MELK: variants seen among roughly 807,000 people sequenced by gnomAD.
MELK encodes the protein pEg3 kinase.
A neutral mutation model predicts 85.0 loss-of-function variants in MELK; 81 were observed. That is an observed-to-expected ratio of 0.95 (90% confidence interval 0.80 to 1.15). The LOEUF (loss-of-function observed/expected upper bound fraction) is 1.15, where lower values mean the gene tolerates loss of function less well. Ranked by LOEUF, MELK falls within the 50% of genes most tolerant of loss-of-function variation. The pLI is 0.00. For missense variants in MELK, 754 were observed against 777.5 expected (o/e 0.97, Z 0.36); for synonymous variants, 252 against 265.0 (o/e 0.95, Z 0.48).
At position 36,665,336 on chromosome 9, in the gene MELK, C is replaced by CT. The variant is rs200881299; in HGVS notation, c.1177-5dup. On this transcript the variant is annotated splice_polypyrimidine_tract_variant and intron_variant, in intron 13 of 17. Coordinates refer to ENST00000298048, the MANE Select transcript of MELK (RefSeq NM_014791.4). The stretch of plus-strand genomic sequence containing the variant: ...TTCTTCAGTGTGCTTTATCTAGTAA[C>CT]TTTTTTTTTCCAGTTTACCAAGTAC... 360 of 1,526,598 alleles carry CT rather than the reference C, an allele frequency of 2.4e-4. No homozygotes were observed. The highest frequency in any genetic ancestry group is 3.9e-4 in the Admixed American group (21 of 53,260). The allele number at this position is 1,526,598 out of a possible 1,614,324, so 94.6% of individuals were successfully genotyped here. A position where few individuals can be genotyped will look rare whatever the true frequency, so the allele number is the denominator to read the frequency against.
At chr9:36,600,141 T>G (rs1824765208) in intron 7 of MELK, among the ~76,000 whole-genome samples, 7 of 151,974 alleles carry the variant, frequency 4.6e-5, no homozygotes, top group Admixed American at 4.6e-4. Flanking sequence ...TCACCCAGGC[T>G]GGAGTGCAGT....
rs1564138919 is a variant in MELK at position 36,596,585 on chromosome 9, TTTTTG to T, written c.406-632_406-628del. On this transcript the variant is annotated intron_variant, in intron 5 of 17. Transcript: ENST00000298048. Reference sequence around the variant, plus strand: ...TTTGTTTTTTTTGTTTTTTTTGTTTTTTTTGTTTTTTTTTTTTTGAGATGGAGTTT... The same window carrying T: ...TTTGTTTTTTTTGTTTTTTTTGTTTTTTTTTTTTTTTTTGAGATGGAGTTT... Among the ~76,000 whole-genome samples, 29 of 107,450 alleles carry T rather than the reference TTTTTG, an allele frequency of 2.7e-4. 3 individuals are homozygous for T. Among genetic ancestry groups the T allele is most frequent in the African/African-American group, 1.7e-3 (29 of 17,422 alleles). The allele number at this position is 107,450 out of a possible 152,430, so 70.5% of individuals were successfully genotyped here.
rs557014543 is a variant in MELK, at chr9:36,653,265, G to A, written c.1053+1388G>A. On this transcript the variant is annotated intron_variant, in intron 12 of 17. Coordinates refer to ENST00000298048, the MANE Select transcript of MELK (RefSeq NM_014791.4). Reference sequence around the variant, plus strand: ...AGGCTCAAGCAATCCTCCTGCCTCAGCCTCCCTAGTAGCTGGGATTACAGG... The same window carrying A: ...AGGCTCAAGCAATCCTCCTGCCTCAACCTCCCTAGTAGCTGGGATTACAGG... 3.3e-5 allele frequency among the ~76,000 whole-genome samples: 5 copies of A among 152,234 alleles called. No homozygotes were observed. In the East Asian group the frequency reaches 9.7e-4, roughly 29 times the overall value.
chr9:36,625,182 C>G (rs998198175), intron 8 of MELK, among the ~76,000 whole-genome samples: 2 of 152,124 alleles, frequency 1.3e-5, no homozygotes, highest in Admixed American at 6.5e-5. Flanking sequence ...AGAGGACACT[C>G]TAGGAGCAGG....
rs370662182 is a variant in MELK at position 36,599,589 on chromosome 9, G to GA, written c.567+106dup. ...CGTTGGGGGTATAATGATGAAGTAAGAAATAATCTTGTTAATCAGAGTTCA... is the reference window on the plus strand; with the variant it reads ...CGTTGGGGGTATAATGATGAAGTAAGAAAATAATCTTGTTAATCAGAGTTCA... On this transcript the variant is annotated intron_variant, in intron 7 of 17. Transcript: ENST00000298048. 1,107 of 693,062 alleles carry GA rather than the reference G, an allele frequency of 1.6e-3. 7 individuals carry two copies. In the African/African-American group the frequency reaches 0.016, roughly 10 times the overall value. The allele number at this position is 693,062 out of a possible 1,614,324, so 42.9% of individuals were successfully genotyped here. A position where few individuals can be genotyped will look rare whatever the true frequency, so the allele number is the denominator to read the frequency against.
chr9:36,590,576 G>T (rs1319975741), intron 4 of MELK, among the ~76,000 whole-genome samples: 1 of 152,168 alleles, frequency 6.6e-6, no homozygotes, highest in East Asian at 1.9e-4. Flanking sequence ...CCCTGATCCA[G>T]TGACAGTTCA....
chr9:36,587,788 T>A (rs1479366802), intron 3 of MELK, among the ~76,000 whole-genome samples: 1 of 151,560 alleles, frequency 6.6e-6, no homozygotes, highest in Non-Finnish European at 1.5e-5. Context: ...TTTTTTTAAT[T>A]TTTTCGATAC....
intron 10 of MELK, among the ~76,000 whole-genome samples, chr9:36,641,290 C>G (rs1397363951): frequency 6.6e-6 from 1 of 152,196 alleles, no homozygotes; most frequent in African/African-American, 2.4e-5. Flanking sequence ...TAGGCGCTTG[C>G]TCTATGTTGC....
At chr9:36,667,797 C>T (rs959946392) in intron 14 of MELK, among the ~76,000 whole-genome samples, 1 of 151,760 alleles carries the variant, frequency 6.6e-6, no homozygotes, top group Non-Finnish European at 1.5e-5. Flanking sequence ...GACAGAGTTT[C>T]ACTCTTGTTG....
intron 2 of MELK, among the ~76,000 whole-genome samples, chr9:36,583,013 G>T (rs1269449045): frequency 1.3e-5 from 2 of 148,388 alleles, no homozygotes; most frequent in Non-Finnish European, 3.0e-5. Context: ...TTGCTCTGTC[G>T]CCCAGGCTGG....
At chr9:36,648,954 G>T (rs980211103) in intron 11 of MELK, among the ~76,000 whole-genome samples, 1 of 151,914 alleles carries the variant, frequency 6.6e-6, no homozygotes, top group Non-Finnish European at 1.5e-5. Flanking sequence ...GAGGAAAGAA[G>T]AAAAAGTAGA....
At chr9:36,643,912 C>T (rs569130554) in intron 11 of MELK, among the ~76,000 whole-genome samples, 52 of 140,062 alleles carry the variant, frequency 3.7e-4, no homozygotes, top group African/African-American at 1.3e-3. Context: ...CCAGCCTGGG[C>T]GACAGAGTGA....
At chr9:36,632,634 T>C (rs1471205359) in intron 9 of MELK, among the ~76,000 whole-genome samples, 1 of 152,230 alleles carries the variant, frequency 6.6e-6, no homozygotes, top group Non-Finnish European at 1.5e-5. Flanking sequence ...TCTTTGTTGA[T>C]TAATTTTTCT....
At chr9:36,595,369 C>T (rs1824098748) in intron 5 of MELK, among the ~76,000 whole-genome samples, 1 of 152,012 alleles carries the variant, frequency 6.6e-6, no homozygotes, top group East Asian at 1.9e-4. Flanking sequence ...ATCTCCTGAC[C>T]TTGTGATCTG....
intron 13 of MELK, among the ~76,000 whole-genome samples, chr9:36,658,501 T>G (rs79768296): frequency 0.019 from 2,913 of 152,294 alleles, 81 homozygotes; most frequent in African/African-American, 0.063. Flanking sequence ...AATTTTATCT[T>G]TATTTATACT....
chr9:36,662,052 G>A (rs1831891014), intron 13 of MELK, among the ~76,000 whole-genome samples: 1 of 150,686 alleles, frequency 6.6e-6, no homozygotes, highest in African/African-American at 2.4e-5. Flanking sequence ...TTTTTATTAT[G>A]GATTTAGTTA....
At chr9:36,636,304 G>A (rs1478139215) in intron 10 of MELK, among the ~76,000 whole-genome samples, 1 of 151,892 alleles carries the variant, frequency 6.6e-6, no homozygotes, top group African/African-American at 2.4e-5. Flanking sequence ...GGGAGTTTGA[G>A]ACCAGCCTGA....
chr9:36,653,863 A>G (rs1342860492), intron 12 of MELK, among the ~76,000 whole-genome samples: 2 of 151,932 alleles, frequency 1.3e-5, no homozygotes, highest in Non-Finnish European at 2.9e-5. Flanking sequence ...AATTCCTTTA[A>G]TATCTATCTC....
chr9:36,664,835 C>T (rs1274141315), intron 13 of MELK, among the ~76,000 whole-genome samples: 2 of 152,136 alleles, frequency 1.3e-5, no homozygotes, highest in Non-Finnish European at 2.9e-5. Flanking sequence ...AGAGTTTCAG[C>T]CTTGGTTACT....
Sources: gnomAD v4.1 joint callset for allele counts (sites outside exome capture counted in the v4.1 genomes callset) on GRCh38, gnomAD v4.1.1 for gene constraint, MANE v1.5 for transcripts, NCBI Gene and HGNC (gene_info 2026-07-23, HGNC 2026-07-21) for gene names.